RELN: variants seen among roughly 807,000 people sequenced by gnomAD.
RELN encodes reelin.
A neutral mutation model predicts 427.6 loss-of-function variants in RELN; 108 were observed. The observed-to-expected ratio is 0.25, with a 90% CI of 0.22 to 0.30. The LOEUF is 0.30. RELN is among the 10% of genes least tolerant of loss of function. The pLI, the probability that RELN is intolerant of heterozygous loss-of-function variation, is 1.00. For synonymous variants in RELN, 1,524 were observed against 1,513.4 expected, an observed-to-expected ratio of 1.01 and a Z score of -0.16; for missense variants, 3,715 against 4,302.8, an observed-to-expected ratio of 0.86 and a Z score of 3.82.
rs573961189 is a variant in RELN, at chr7:103,538,139, A to G, written c.7180+939T>C. Among the ~76,000 whole-genome samples, 79 of 152,344 alleles carry G rather than the reference A, an allele frequency of 5.2e-4. 1 individual carries two copies. The South Asian group carries it at 0.016, about 31-fold the overall frequency. ...TCTTGACTGACTGTGTCTGAGGTAGAAAGAGTATCTCTGGCATTCCTCCTA... is the reference window on the plus strand; with the variant it reads ...TCTTGACTGACTGTGTCTGAGGTAGGAAGAGTATCTCTGGCATTCCTCCTA... On this transcript the variant is annotated intron_variant, in intron 45 of 64. Transcript: ENST00000428762.
chr7:103,728,262 T>G, intron 6 of RELN, 55 bp from the exon 7 acceptor site: 1 of 1,496,762 alleles, frequency 6.7e-7, no homozygotes, highest in Non-Finnish European at 9.3e-7. Flanking sequence ...ACACGTGGTT[T>G]ACTGCTCAGG....
chr7:103,788,337 A>G (rs1792072147), intron 3 of RELN, among the ~76,000 whole-genome samples: 1 of 152,234 alleles, frequency 6.6e-6, no homozygotes, highest in South Asian at 2.1e-4. Context: ...AGTTCTGGCC[A>G]GGGTAATCAG....
At chr7:103,755,146 G>A (rs903776747) in intron 4 of RELN, among the ~76,000 whole-genome samples, 9 of 151,936 alleles carry the variant, frequency 5.9e-5, no homozygotes, top group Non-Finnish European at 1.3e-4. Context: ...TTTGTTGTTT[G>A]TTTTGTTTCT....
At chr7:103,983,120 C>A (rs1255349768) in intron 1 of RELN, among the ~76,000 whole-genome samples, 1 of 152,170 alleles carries the variant, frequency 6.6e-6, no homozygotes, top group Non-Finnish European at 1.5e-5. Context: ...ATTATCTTAG[C>A]TTTGTTTTTT....
At chr7:103,746,600 G>A (rs571281225) in intron 6 of RELN, among the ~76,000 whole-genome samples, 32 of 152,184 alleles carry the variant, frequency 2.1e-4, no homozygotes, top group East Asian at 7.7e-4. Flanking sequence ...AAAAGTGGGC[G>A]AAGGATATGA....
intron 2 of RELN, among the ~76,000 whole-genome samples, chr7:103,881,424 T>A (rs1046701367): frequency 6.6e-6 from 1 of 152,146 alleles, no homozygotes; most frequent in Admixed American, 6.5e-5. Context: ...TCTTAACTGT[T>A]GGCATCATCA....
intron 63 of RELN, 87 bp from the exon 64 acceptor site, chr7:103,478,481 T>TA (rs1005060826): frequency 2.8e-6 from 2 of 712,022 alleles, no homozygotes; most frequent in Non-Finnish European, 5.1e-6. Context: ...TGATTAGTCA[T>TA]AAAAGTCTGA....
chr7:103,809,705 C>A (rs555968610), intron 3 of RELN, among the ~76,000 whole-genome samples: 1 of 152,104 alleles, frequency 6.6e-6, no homozygotes, highest in Non-Finnish European at 1.5e-5. Context: ...CATTGTAGAC[C>A]ATTAACATTG....
intron 34 of RELN, among the ~76,000 whole-genome samples, chr7:103,565,067 C>A (rs1184163907): frequency 7.2e-5 from 11 of 152,146 alleles, no homozygotes. Context: ...TGGCAAAGAA[C>A]AGAAAAGTTC....
intron 62 of RELN, 53 bp from the exon 63 acceptor site, chr7:103,483,024 T>C: frequency 2.1e-6 from 3 of 1,448,174 alleles, no homozygotes; most frequent in South Asian, 1.1e-5. Flanking sequence ...ACAGAACTTT[T>C]TGGTATTTGA....
chr7:103,485,306 A>C (rs1420538990), intron 61 of RELN, among the ~76,000 whole-genome samples: 1 of 148,482 alleles, frequency 6.7e-6, no homozygotes, highest in Non-Finnish European at 1.5e-5. Context: ...AATTAATTTT[A>C]TTTTCATTGT....
chr7:103,658,081 G>A (rs57937651), intron 12 of RELN, among the ~76,000 whole-genome samples: 2,058 of 152,198 alleles, frequency 0.014, 53 homozygotes, highest in African/African-American at 0.048. Flanking sequence ...ATACACGAAT[G>A]AGTTGATGTC....
At chr7:103,673,601 C>A (rs1833442933) in intron 11 of RELN, among the ~76,000 whole-genome samples, 1 of 152,112 alleles carries the variant, frequency 6.6e-6, no homozygotes, top group Non-Finnish European at 1.5e-5. Flanking sequence ...AGGAATGTAT[C>A]TTGCAGTAAA....
At chr7:103,909,727 A>AT (rs1389495321) in intron 2 of RELN, among the ~76,000 whole-genome samples, 1 of 26,332 alleles carries the variant, frequency 3.8e-5, no homozygotes, top group Non-Finnish European at 6.9e-5. Flanking sequence ...TATTAAATAT[A>AT]TTTTTTAATA....
At chr7:103,840,294 C>T (rs909552261) in intron 2 of RELN, among the ~76,000 whole-genome samples, 2 of 152,186 alleles carry the variant, frequency 1.3e-5, no homozygotes, top group Admixed American at 6.5e-5. Flanking sequence ...TGGCTCCTAT[C>T]GGAGTGTGAG....
In RELN at chr7:103,765,233, A is replaced by G. The variant is rs570782981; in HGVS notation, c.544+11324T>C. ...GGAAGACATTGAAGCTATCAGAAAG[A>G]GAAAGCACAATTGGAGCAAGGGCTC... is the stretch of plus-strand genomic sequence containing the variant. On this transcript the variant is annotated intron_variant, in intron 4 of 64. Coordinates refer to ENST00000428762, the MANE Select transcript of RELN (RefSeq NM_005045.4). Among the ~76,000 whole-genome samples the G allele has an allele frequency of 3.3e-5, 5 of 152,374 alleles. No homozygotes were observed. In the South Asian group the frequency reaches 8.3e-4, roughly 25 times the overall value.
intron 47 of RELN, 111 bp downstream of exon 47, chr7:103,523,280 T>G (rs141366526): frequency 3.3e-6 from 4 of 1,226,666 alleles, no homozygotes; most frequent in Admixed American, 3.9e-5. Flanking sequence ...CAGAAAAAAA[T>G]GTATAACTTA....
At chr7:103,790,504 A>G (rs1469678412) in intron 3 of RELN, among the ~76,000 whole-genome samples, 1 of 152,048 alleles carries the variant, frequency 6.6e-6, no homozygotes. Context: ...GGGCATAAGC[A>G]CTTAATGCTT....
intron 46 of RELN, among the ~76,000 whole-genome samples, chr7:103,526,865 T>C (rs1198809185): frequency 6.6e-6 from 1 of 152,172 alleles, no homozygotes; most frequent in African/African-American, 2.4e-5. Flanking sequence ...ATCTTTATAA[T>C]GATGGCCACC....
Sources: gnomAD v4.1 joint callset for allele counts (sites outside exome capture counted in the v4.1 genomes callset) on GRCh38, gnomAD v4.1.1 for gene constraint, MANE v1.5 for transcripts, NCBI Gene and HGNC (gene_info 2026-07-23, HGNC 2026-07-21) for gene names.